The following SETD3 variants were observed in gnomAD, a reference collection of about 807,000 sequenced individuals.
SETD3 encodes the protein SET domain containing 3, actin N3(tau)-histidine methyltransferase.
Under a neutral mutation model 63.0 loss-of-function variants are expected in SETD3, and 19 were observed. The observed-to-expected ratio is 0.30, with a 90% confidence interval of 0.21 to 0.44. The LOEUF (loss-of-function observed/expected upper bound fraction) is 0.44, where lower values mean the gene tolerates loss of function less well. SETD3 is among the 20% of genes least tolerant of loss of function. SETD3 has a pLI of 1.00. For synonymous variants in SETD3, 286 were observed against 264.1 expected (o/e 1.08, Z -0.80); for missense variants, 587 against 728.5 (o/e 0.81, Z 2.24).
intron 6 of SETD3, among the ~76,000 whole-genome samples, chr14:99,419,768 C>T (rs1892482360): frequency 6.8e-6 from 1 of 148,084 alleles, no homozygotes; most frequent in Non-Finnish European, 1.5e-5. Flanking sequence ...GAGCGAGACT[C>T]CGTCTCAAAA....
At chr14:99,471,006 G>A (rs1038828080) in intron 1 of SETD3, among the ~76,000 whole-genome samples, 1 of 151,998 alleles carries the variant, frequency 6.6e-6, no homozygotes, top group Non-Finnish European at 1.5e-5. Flanking sequence ...GTATATCAGG[G>A]TCCTCCACCT....
At chr14:99,470,458 G>C (rs940458393) in intron 1 of SETD3, among the ~76,000 whole-genome samples, 2 of 152,186 alleles carry the variant, frequency 1.3e-5, no homozygotes, top group African/African-American at 4.8e-5. Flanking sequence ...TTAAGGATGG[G>C]GGCAGGGGGG....
Position 99,418,894 on chromosome 14 carries a change from T to A in SETD3, c.676-4960A>T, listed in dbSNP as rs1340300204. On this transcript the variant is annotated intron_variant, in intron 6 of 12. Coordinates refer to ENST00000331768, the MANE Select transcript of SETD3 (RefSeq NM_032233.3). The stretch of plus-strand genomic sequence containing the variant: ...GGAGAAAAATTTACACTAAATACCT[T>A]GAGGTTTCCCCTTTCCACCCCCAAA... 2.6e-5 allele frequency among the ~76,000 whole-genome samples: 4 copies of A among 152,264 alleles called. No homozygotes were observed. In the East Asian group the frequency reaches 7.7e-4, roughly 29 times the overall value.
chr14:99,463,286 C>A lies in SETD3; in HGVS notation c.196+200G>T, dbSNP rs988993328. On this transcript the variant is annotated intron_variant, in intron 3 of 12. Coordinates refer to ENST00000331768, the MANE Select transcript of SETD3 (RefSeq NM_032233.3). ...TTCTCCTAAAGCTCAACATTCTCAC[C>A]CTTTCCGAAGCAGGTAATAGCATCT... is the stretch of plus-strand genomic sequence containing the variant. Among the ~76,000 whole-genome samples the A allele has an allele frequency of 1.6e-4, 24 of 152,168 alleles. 1 individual carries two copies. Among genetic ancestry groups the A allele is most frequent in the Admixed American group, 1.4e-3 (22 of 15,280 alleles).
At chr14:99,439,913 T>G (rs1893703690) in intron 6 of SETD3, among the ~76,000 whole-genome samples, 1 of 152,004 alleles carries the variant, frequency 6.6e-6, no homozygotes, top group South Asian at 2.1e-4. Flanking sequence ...CACTTCAGTC[T>G]GCTAAGTAGC....
chr14:99,418,162 A>G (rs1181451871), intron 6 of SETD3, among the ~76,000 whole-genome samples: 1 of 152,220 alleles, frequency 6.6e-6, no homozygotes, highest in Non-Finnish European at 1.5e-5. Flanking sequence ...TTTCAAATAT[A>G]TTTATGGAAG....
At chr14:99,452,883 CAGAGTT>C (rs1894540471) in intron 6 of SETD3, among the ~76,000 whole-genome samples, 1 of 152,168 alleles carries the variant, frequency 6.6e-6, no homozygotes, top group African/African-American at 2.4e-5. Context: ...AGTTCACATG[CAGAGTT>C]TGGTACAGGC....
At chr14:99,457,218 A>AT (rs1247273417) in intron 6 of SETD3, among the ~76,000 whole-genome samples, 1 of 152,240 alleles carries the variant, frequency 6.6e-6, no homozygotes, top group East Asian at 1.9e-4. Flanking sequence ...AATAAAAGCT[A>AT]TATACATACT....
chr14:99,433,400 G>C lies in SETD3; in HGVS notation c.676-19466C>G, dbSNP rs377206790. ...TTTTATATTAATTACATGTTTAATA[G>C]ATATTTCAGGTATCTTGAGTTAAAA... On this transcript the variant is annotated intron_variant, in intron 6 of 12. Transcript: ENST00000331768. 4.6e-5 allele frequency among the ~76,000 whole-genome samples: 7 copies of C among 151,838 alleles called. No individual in the cohort carries two copies. The East Asian group carries it at 1.3e-3, about 29-fold the overall frequency.
intron 9 of SETD3, among the ~76,000 whole-genome samples, chr14:99,406,016 C>A (rs1051900826): frequency 6.6e-6 from 1 of 152,026 alleles, no homozygotes; most frequent in South Asian, 2.1e-4. Context: ...TTTATAGACA[C>A]GTATTTTCAA....
intron 6 of SETD3, among the ~76,000 whole-genome samples, chr14:99,415,828 A>T (rs779735346): frequency 6.6e-6 from 1 of 152,200 alleles, no homozygotes; most frequent in Non-Finnish European, 1.5e-5. Flanking sequence ...ACTAACGGAG[A>T]AAGGAAATAA....
upstream of SETD3, among the ~76,000 whole-genome samples, chr14:99,484,639 C>G (rs1896438510): frequency 6.6e-6 from 1 of 152,112 alleles, no homozygotes; most frequent in Non-Finnish European, 1.5e-5. Flanking sequence ...TGTAGCAGAT[C>G]TAGGGGATGA....
At chr14:99,421,896 TAA>T (rs1385368567) in intron 6 of SETD3, among the ~76,000 whole-genome samples, 1 of 152,188 alleles carries the variant, frequency 6.6e-6, no homozygotes, top group Non-Finnish European at 1.5e-5. Context: ...AATAGTCTTA[TAA>T]AGTCTAATAA....
intron 6 of SETD3, 41 bp downstream of exon 6, chr14:99,458,238 A>C (rs770682082): frequency 3.2e-6 from 5 of 1,579,350 alleles, no homozygotes; most frequent in Non-Finnish European, 4.3e-6. Flanking sequence ...TTTCCTCCCC[A>C]CTCTGTGAAA....
At chr14:99,458,774 C>CAAAAAAAAAAAAAAAAAAAAAAAAAAAAA (rs5810953) in intron 5 of SETD3, among the ~76,000 whole-genome samples, 1 of 89,548 alleles carries the variant, frequency 1.1e-5, no homozygotes, top group Non-Finnish European at 2.1e-5. Flanking sequence ...CCCATCACTA[C>CAAAAAAAAAAAAAAAAAAAAAAAAAAAAA]AAAAAAAAAA....
intron 6 of SETD3, 133 bp from the exon 7 acceptor site, chr14:99,414,067 C>A (rs1007346096): frequency 2.3e-5 from 18 of 770,864 alleles, no homozygotes; most frequent in African/African-American, 5.2e-5. Context: ...GGCGTCCAGC[C>A]GCGCTACAGA....
chr14:99,457,798 A>G (rs1294880627), intron 6 of SETD3, among the ~76,000 whole-genome samples: 1 of 152,252 alleles, frequency 6.6e-6, no homozygotes, highest in Non-Finnish European at 1.5e-5. Context: ...AGAGATTTCT[A>G]TGAGAAACTT....
At chr14:99,468,454 A>G (rs1016192601) in intron 1 of SETD3, among the ~76,000 whole-genome samples, 1 of 152,190 alleles carries the variant, frequency 6.6e-6, no homozygotes, top group African/African-American at 2.4e-5. Context: ...TCTCTTATGT[A>G]TCTAATGTAT....
chr14:99,401,745 C>A (rs918904553), intron 11 of SETD3, among the ~76,000 whole-genome samples: 2 of 152,096 alleles, frequency 1.3e-5, no homozygotes, highest in Non-Finnish European at 2.9e-5. Context: ...TTCTTAGTGG[C>A]TGAAAGTTCT....
Sources: allele counts gnomAD v4.1 joint callset (sites outside exome capture counted in the v4.1 genomes callset), GRCh38; gene constraint gnomAD v4.1.1; transcripts MANE v1.5; gene names NCBI Gene and HGNC (gene_info 2026-07-23, HGNC 2026-07-21).